The following RAB11FIP4 variants were observed in gnomAD, a reference collection of about 807,000 sequenced individuals.
The protein encoded by RAB11FIP4 is rab11 family-interacting protein 4.
A neutral mutation model predicts 74.3 loss-of-function variants in RAB11FIP4; 23 were observed. The ratio of observed to expected loss-of-function variants is 0.31; its 90% CI spans 0.22 to 0.44. RAB11FIP4 has a LOEUF of 0.44. Ranked by LOEUF, RAB11FIP4 falls within the 20% of genes least tolerant of loss-of-function variation. The pLI, the probability that RAB11FIP4 is intolerant of heterozygous loss-of-function variation, is 1.00. For synonymous variants in RAB11FIP4, 360 were observed against 359.9 expected (o/e 1.00, Z 0.00); for missense variants, 630 against 863.9 (o/e 0.73, Z 3.39).
intron 10 of RAB11FIP4, chr17:31,527,527 T>C (rs9898174): frequency 0.7 from 186,258 of 264,572 alleles, 66,641 homozygotes; most frequent in African/African-American, 0.86. Flanking sequence ...CTGAAGGAGT[T>C]AGAGGTTGCA....
chr17:31,535,844 G>A lies in RAB11FIP4; in HGVS notation c.*4112G>A, dbSNP rs1548470. On this transcript the variant is annotated 3_prime_UTR_variant, in exon 15 of 15. Coordinates refer to ENST00000621161, the MANE Select transcript of RAB11FIP4 (RefSeq NM_032932.6). ...TGGGGCTGTCCCCCTGAAAGCAGCC[G>A]CAGAAACAGCTGCCACCTATTTGCA... 0.33 allele frequency: 50,931 copies of A among 152,132 alleles called. 8,571 individuals carry two copies. Among genetic ancestry groups the A allele is most frequent in the Middle Eastern group, 0.4 (119 of 298 alleles). The allele number at this position is 152,132 out of a possible 1,614,324, so 9.4% of individuals were successfully genotyped here.
At chr17:31,431,947 C>T (rs1158422878) in intron 2 of RAB11FIP4, 47 bp downstream of exon 2, 3 of 1,411,944 alleles carry the variant, frequency 2.1e-6, no homozygotes, top group Admixed American at 3.5e-5. Context: ...CGGTCCTGCC[C>T]AGCTGGGGAA....
At chr17:31,524,366 G>T (rs1021470600) in intron 9 of RAB11FIP4, 20 of 248,172 alleles carry the variant, frequency 8.1e-5, no homozygotes, top group Non-Finnish European at 1.6e-4. Context: ...TGAGCTGGGC[G>T]GTGGGAAGGG....
At chr17:31,513,623 G>C (rs2072492702) in intron 3 of RAB11FIP4, among the ~76,000 whole-genome samples, 1 of 152,250 alleles carries the variant, frequency 6.6e-6, no homozygotes, top group African/African-American at 2.4e-5. Flanking sequence ...GGCTAACCAA[G>C]GCGTGCAGTA....
chr17:31,468,646 T>C (rs956493011), intron 3 of RAB11FIP4, among the ~76,000 whole-genome samples: 1 of 152,020 alleles, frequency 6.6e-6, no homozygotes, highest in African/African-American at 2.4e-5. Context: ...CTGGCCAACA[T>C]GGTGAAACCC....
intron 7 of RAB11FIP4, chr17:31,522,892 G>T: frequency 5.6e-6 from 1 of 179,454 alleles, no homozygotes; most frequent in Admixed American, 5.4e-5. Flanking sequence ...AGCTAGGTGG[G>T]TTGGCCTCTT....
intron 4 of RAB11FIP4, among the ~76,000 whole-genome samples, chr17:31,518,199 A>G (rs1044654238): frequency 1.3e-5 from 2 of 152,100 alleles, no homozygotes; most frequent in African/African-American, 4.8e-5. Context: ...TTAGTTTTAA[A>G]AAGCAGGTTG....
intron 3 of RAB11FIP4, among the ~76,000 whole-genome samples, chr17:31,467,408 G>A (rs178885): frequency 0.035 from 5,371 of 152,152 alleles, 118 homozygotes; most frequent in Non-Finnish European, 0.051. Flanking sequence ...CGTGAGCCAC[G>A]GTGCCTAGCC....
chr17:31,426,599 C>CTTTTCCTT (rs2071252477), intron 1 of RAB11FIP4, among the ~76,000 whole-genome samples: 2 of 122,062 alleles, frequency 1.6e-5, no homozygotes, highest in Non-Finnish European at 3.2e-5. Context: ...TTTTCTTTTC[C>CTTTTCCTT]TTTTTTTTTT....
At chr17:31,524,842 C>A in intron 9 of RAB11FIP4, 1 of 574,360 alleles carries the variant, frequency 1.7e-6, no homozygotes, top group South Asian at 2.1e-5. Context: ...TGGGGGCGGT[C>A]CCTCCCTGTG....
intron 10 of RAB11FIP4, 58 bp from the exon 11 acceptor site, chr17:31,527,784 C>T (rs183979940): frequency 4.4e-5 from 58 of 1,311,802 alleles, no homozygotes; most frequent in Middle Eastern, 1.8e-4. Flanking sequence ...GACTGGCAGG[C>T]GCTTATCAGA....
At position 31,402,652 on chromosome 17, in the gene RAB11FIP4, T is replaced by C. The variant is rs1420275594; in HGVS notation, c.159+10641T>C. ...TTTATTTATTTTTGAGACAGAGTCT[T>C]GCTTTGTCGCCCAGGCTGGCGTGCA... On this transcript the variant is annotated intron_variant, in intron 1 of 14. Transcript: ENST00000621161. Among the ~76,000 whole-genome samples the C allele has an allele frequency of 3.4e-5, 5 of 146,878 alleles. No individual in the cohort carries two copies. In the South Asian group the frequency reaches 6.3e-4, roughly 19 times the overall value.
intron 3 of RAB11FIP4, among the ~76,000 whole-genome samples, chr17:31,500,702 A>T (rs761077865): frequency 1.3e-5 from 2 of 152,230 alleles, no homozygotes; most frequent in Admixed American, 6.5e-5. Context: ...ATTGAAATAG[A>T]ATACTTATAC....
intron 1 of RAB11FIP4, among the ~76,000 whole-genome samples, chr17:31,398,899 T>A (rs2070957474): frequency 2.0e-5 from 3 of 152,174 alleles, no homozygotes; most frequent in Admixed American, 2.0e-4. Flanking sequence ...CCACCCCTTT[T>A]TCCTTCAGCA....
chr17:31,522,502 G>A (rs1443890777), intron 7 of RAB11FIP4, 107 bp downstream of exon 7: 11 of 1,119,202 alleles, frequency 9.8e-6, no homozygotes, highest in Non-Finnish European at 1.3e-5. Flanking sequence ...GCATGTGGCT[G>A]AGTGAGCAGA....
intron 1 of RAB11FIP4, among the ~76,000 whole-genome samples, chr17:31,416,836 G>T (rs1243153284): frequency 1.3e-5 from 2 of 152,164 alleles, no homozygotes; most frequent in South Asian, 4.1e-4. Flanking sequence ...TGGGAGTGAT[G>T]CACTTGAGTG....
At chr17:31,444,357 C>G (rs1031317866) in intron 3 of RAB11FIP4, among the ~76,000 whole-genome samples, 7 of 148,328 alleles carry the variant, frequency 4.7e-5, no homozygotes, top group Admixed American at 2.7e-4. Context: ...ACACCCCCCC[C>G]ACCCTTCTAA....
Position 31,402,813 on chromosome 17 carries a change from G to C in RAB11FIP4, c.159+10802G>C, listed in dbSNP as rs896494996. On this transcript the variant is annotated intron_variant, in intron 1 of 14. Coordinates refer to ENST00000621161, the MANE Select transcript of RAB11FIP4 (RefSeq NM_032932.6). ...ATTTTTTTTTTGTATTTTTAGTAGA[G>C]ACGGGGTTTCACCGTGTTAGCCAGG... Among the ~76,000 whole-genome samples the C allele has an allele frequency of 4.0e-5, 6 of 151,538 alleles. No homozygotes were observed. The South Asian group carries it at 1.0e-3, about 26-fold the overall frequency.
At position 31,521,286 on chromosome 17, in the gene RAB11FIP4, C is replaced by T. The variant is rs1478862952; in HGVS notation, c.684C>T (p.Ala228=). 37 of 1,613,896 alleles carry T rather than the reference C, an allele frequency of 2.3e-5. No individual in the cohort carries two copies. The highest frequency in any genetic ancestry group is 3.1e-5 in the Non-Finnish European group (37 of 1,179,946). The change falls in exon 5 of 15, where the codon GCC becomes GCT. Residue 228 remains alanine, a synonymous_variant. Transcript: ENST00000621161. ...GGGAGGGTGACGATGTGGACTGTGCCCCCAGCAGCCCTTGCCCCGATGATG... is the reference window on the plus strand; with the variant it reads ...GGGAGGGTGACGATGTGGACTGTGCTCCCAGCAGCCCTTGCCCCGATGATG... The part of the protein sequence containing the change: ...DYGEGDDVDC[A]PSSPCPDDET...
Sources: allele counts gnomAD v4.1 joint callset (sites outside exome capture counted in the v4.1 genomes callset), GRCh38; gene constraint gnomAD v4.1.1; transcripts MANE v1.5; gene names NCBI Gene and HGNC (gene_info 2026-07-23, HGNC 2026-07-21).